Variants in ITGB8 observed in about 807,000 individuals in gnomAD.
ITGB8 encodes integrin beta-8.
ITGB8 carries 30 observed loss-of-function variants against 89.5 expected under a neutral mutation model. That is an observed-to-expected ratio of 0.34 (90% CI 0.25 to 0.45). The LOEUF (loss-of-function observed/expected upper bound fraction) is 0.45. ITGB8 is among the 20% of genes least tolerant of loss of function. The pLI, the probability that ITGB8 is intolerant of heterozygous loss-of-function variation, is 1.00. For missense variants in ITGB8, 836 were observed against 933.3 expected (o/e 0.90, Z 1.36); for synonymous variants, 335 against 320.4 (o/e 1.05, Z -0.49).
chr7:20,334,214 T>C (rs1293422096), intron 1 of ITGB8, among the ~76,000 whole-genome samples: 2 of 152,188 alleles, frequency 1.3e-5, no homozygotes, highest in Non-Finnish European at 2.9e-5. Context: ...GTTTGTTTTT[T>C]AACTGTCTCT....
upstream of ITGB8, among the ~76,000 whole-genome samples, chr7:20,330,367 G>A (rs187684062): frequency 6.6e-6 from 1 of 152,202 alleles, no homozygotes; most frequent in East Asian, 1.9e-4. Flanking sequence ...CAGCTGCGGG[G>A]CAGTGAGTAT....
At chr7:20,374,339 C>T (rs1351354869) in intron 3 of ITGB8, among the ~76,000 whole-genome samples, 2 of 152,018 alleles carry the variant, frequency 1.3e-5, no homozygotes, top group Admixed American at 1.3e-4. Flanking sequence ...ACTACAGAGG[C>T]TTCAGAGATG....
chr7:20,349,591 A>C (rs1785044647), intron 1 of ITGB8, among the ~76,000 whole-genome samples: 1 of 152,216 alleles, frequency 6.6e-6, no homozygotes, highest in African/African-American at 2.4e-5. Context: ...GTATTAAAAT[A>C]AATTAATCTG....
intron 3 of ITGB8, among the ~76,000 whole-genome samples, chr7:20,372,229 T>C (rs994419814): frequency 1.2e-4 from 19 of 152,252 alleles, no homozygotes; most frequent in African/African-American, 4.6e-4. Flanking sequence ...AAATAATTTA[T>C]ACACTTCAAT....
At chr7:20,401,684 G>A in intron 9 of ITGB8, 37 bp from the exon 10 acceptor site, 3 of 1,230,206 alleles carry the variant, frequency 2.4e-6, no homozygotes, top group Non-Finnish European at 3.4e-6. Flanking sequence ...AATAATTAAG[G>A]TATATAAATA....
At chr7:20,353,830 G>T (rs1785192998) in intron 1 of ITGB8, among the ~76,000 whole-genome samples, 1 of 148,714 alleles carries the variant, frequency 6.7e-6, no homozygotes, top group Non-Finnish European at 1.5e-5. Context: ...TACACGGGAG[G>T]CTGAGGCAGG....
intron 6 of ITGB8, among the ~76,000 whole-genome samples, chr7:20,390,615 AATG>A (rs1227965279): frequency 1.3e-5 from 2 of 152,146 alleles, no homozygotes; most frequent in African/African-American, 2.4e-5. Flanking sequence ...TATTGAGCAT[AATG>A]ATAAGTTGAG....
intron 10 of ITGB8, 120 bp from the exon 11 acceptor site, chr7:20,404,508 G>T: frequency 1.3e-6 from 1 of 786,232 alleles, no homozygotes; most frequent in Non-Finnish European, 2.1e-6. Context: ...AAGTGATGCT[G>T]TTCCCATTCA....
chr7:20,410,225 G>A lies in ITGB8; in HGVS notation c.*228G>A. 2.0e-6 allele frequency: 1 copy of A among 495,774 alleles called. No homozygotes were observed. 30.7% of individuals were successfully genotyped at this position (495,774 alleles called of 1,614,324 possible). Reference sequence around the variant, plus strand: ...ACTACTGTTTGAGACTAGTGTCGTTGTAGCACTTTACTGTAATATATAACT... The same window carrying A: ...ACTACTGTTTGAGACTAGTGTCGTTATAGCACTTTACTGTAATATATAACT... On this transcript the variant is annotated 3_prime_UTR_variant, in exon 14 of 14. Transcript: ENST00000222573.
chr7:20,330,272 G>A (rs898715654), upstream of ITGB8, among the ~76,000 whole-genome samples: 1 of 152,362 alleles, frequency 6.6e-6, no homozygotes, highest in African/African-American at 2.4e-5. Context: ...TGGTGGGGTA[G>A]AGGACGAGCT....
intron 6 of ITGB8, among the ~76,000 whole-genome samples, chr7:20,385,610 G>A (rs2127966696): frequency 6.6e-6 from 1 of 152,258 alleles, no homozygotes; most frequent in East Asian, 1.9e-4. Flanking sequence ...CTTTCTCACT[G>A]GCAAAAATAG....
chr7:20,372,173 A>C (rs557029070), intron 3 of ITGB8, among the ~76,000 whole-genome samples: 2 of 152,328 alleles, frequency 1.3e-5, no homozygotes, highest in Admixed American at 6.5e-5. Flanking sequence ...TTTTAAATAT[A>C]TAAGTTTGAA....
chr7:20,332,913 T>G (rs35965098), intron 1 of ITGB8, among the ~76,000 whole-genome samples: 3 of 145,964 alleles, frequency 2.1e-5, no homozygotes, highest in African/African-American at 7.7e-5. Flanking sequence ...GCAGTGACTC[T>G]TGTCATACTT....
At chr7:20,395,093 T>C in intron 8 of ITGB8, 108 bp downstream of exon 8, 1 of 646,810 alleles carries the variant, frequency 1.5e-6, no homozygotes, top group Non-Finnish European at 2.7e-6. Context: ...AGAAAGCATA[T>C]TAGATTAGGA....
At chr7:20,381,188 A>C (rs1583513851) in intron 5 of ITGB8, 1 of 164,268 alleles carries the variant, frequency 6.1e-6, no homozygotes, top group Admixed American at 6.3e-5. Context: ...TTTGAGACGG[A>C]GTCTCGCTCT....
chr7:20,369,061 A>G (rs1785823421), intron 3 of ITGB8, among the ~76,000 whole-genome samples: 1 of 152,164 alleles, frequency 6.6e-6, no homozygotes, highest in Non-Finnish European at 1.5e-5. Context: ...CCCAGTTCAC[A>G]CCTGAATTTA....
upstream of ITGB8, among the ~76,000 whole-genome samples, chr7:20,330,001 G>A (rs1158286844): frequency 1.2e-4 from 18 of 152,108 alleles, no homozygotes; most frequent in Admixed American, 6.5e-5. Flanking sequence ...TCTCTCCTTA[G>A]CTCCCCTCTC....
chr7:20,402,411 A>G (rs1787351546), intron 10 of ITGB8, among the ~76,000 whole-genome samples: 1 of 152,200 alleles, frequency 6.6e-6, no homozygotes, highest in Non-Finnish European at 1.5e-5. Context: ...ATACCAGAAA[A>G]GGAAATGCTG....
intron 1 of ITGB8, among the ~76,000 whole-genome samples, chr7:20,355,741 A>T (rs1785271213): frequency 6.6e-6 from 1 of 152,222 alleles, no homozygotes; most frequent in African/African-American, 2.4e-5. Flanking sequence ...CTGTAGGCAA[A>T]GGAGAGGAAT....
Sources: allele counts gnomAD v4.1 joint callset (sites outside exome capture counted in the v4.1 genomes callset), GRCh38; gene constraint gnomAD v4.1.1; transcripts MANE v1.5; gene names NCBI Gene and HGNC (gene_info 2026-07-23, HGNC 2026-07-21).